Variants in BMI1 observed in about 807,000 individuals in gnomAD.
BMI1 encodes the protein polycomb complex protein BMI-1.
BMI1 carries 9 observed loss-of-function variants against 39.1 expected under a neutral mutation model. That is an observed-to-expected ratio of 0.23 (90% CI 0.14 to 0.40). The LOEUF (loss-of-function observed/expected upper bound fraction) is 0.40. BMI1 is among the 10% of genes least tolerant of loss of function. The pLI is 1.00. For missense variants in BMI1, 252 were observed against 390.8 expected, an observed-to-expected ratio of 0.64 and a Z score of 2.99; for synonymous variants, 131 against 127.9, an observed-to-expected ratio of 1.02 and a Z score of -0.16.
intron 1 of BMI1, among the ~76,000 whole-genome samples, chr10:22,324,408 C>G (rs555719836): frequency 6.6e-6 from 1 of 152,354 alleles, no homozygotes; most frequent in African/African-American, 2.4e-5. Context: ...GGTCATTGCT[C>G]TACCTACAAC....
chr10:22,327,897 A>G, intron 5 of BMI1, 53 bp from the exon 6 acceptor site: 1 of 1,581,510 alleles, frequency 6.3e-7, no homozygotes, highest in Non-Finnish European at 8.6e-7. Flanking sequence ...CTTATATATA[A>G]AATTTATTAG....
chr10:22,328,511 T>C (rs1162424808), intron 7 of BMI1, 89 bp from the exon 8 acceptor site: 13 of 1,385,928 alleles, frequency 9.4e-6, no homozygotes, highest in Non-Finnish European at 1.2e-5. Context: ...TGTTTGATAC[T>C]AGTATCTTTT....
chr10:22,327,582 A>C lies in BMI1; in HGVS notation c.210-13A>C. The C allele has an allele frequency of 3.8e-6, 6 of 1,584,874 alleles. No individual in the cohort carries two copies. Among genetic ancestry groups the C allele is most frequent in the Non-Finnish European group, 4.3e-6 (5 of 1,168,388 alleles). ...ATCTGAATTCATAGTTTTCTATTTT[A>C]ATTATTTTTCAGGTCAGATAAAACT... is the stretch of plus-strand genomic sequence containing the variant. On this transcript the variant is annotated splice_polypyrimidine_tract_variant and intron_variant, in intron 3 of 9. Coordinates refer to ENST00000376663, the MANE Select transcript of BMI1 (RefSeq NM_005180.9).
Position 22,321,338 on chromosome 10 carries a change from C to A in BMI1, c.-378C>A. The stretch of plus-strand genomic sequence containing the variant: ...CCCGCAGAATAAAACCGATCGCGCC[C>A]CCTCCGCGCGCGCCCTCCCCCGAGT... On this transcript the variant is annotated 5_prime_UTR_variant, in exon 1 of 10. Transcript: ENST00000376663. The A allele has an allele frequency of 6.5e-6, 1 of 155,018 alleles. No individual in the cohort carries two copies. The highest frequency in any genetic ancestry group is 1.8e-4 in the South Asian group (1 of 5,610). The allele number at this position is 155,018 out of a possible 1,614,324, so 9.6% of individuals were successfully genotyped here.
At position 22,331,152 on chromosome 10, in the gene BMI1, C is replaced by T. The variant is rs1405231023; in HGVS notation, c.*1610C>T. Reference sequence around the variant, plus strand: ...AAGATACATATATTTTTATTTTGACCTAAATTTGTACAGTCCCATTGTAAG... The same window carrying T: ...AAGATACATATATTTTTATTTTGACTTAAATTTGTACAGTCCCATTGTAAG... On this transcript the variant is annotated 3_prime_UTR_variant, in exon 10 of 10. Transcript: ENST00000376663. 6.6e-6 allele frequency: 1 copy of T among 152,410 alleles called. No homozygotes were observed. Among genetic ancestry groups the T allele is most frequent in the East Asian group, 1.9e-4 (1 of 5,200 alleles). 9.4% of individuals were successfully genotyped at this position (152,410 alleles called of 1,614,324 possible). A position where few individuals can be genotyped will look rare whatever the true frequency, so the allele number is the denominator to read the frequency against.
In BMI1 at chr10:22,327,920, TA is replaced by T. The variant is rs1319744469; in HGVS notation, c.317-25del. 73 of 1,582,846 alleles carry T rather than the reference TA, an allele frequency of 4.6e-5. No homozygotes were observed. In the East Asian group the frequency reaches 1.6e-3, roughly 35 times the overall value. On this transcript the variant is annotated intron_variant, in intron 5 of 9. Transcript: ENST00000376663. Reference sequence around the variant, plus strand: ...TAAAATTTATTAGGCATCTGATTTTTAAAAATTACATTTCACTATATCGTTA... The same window carrying T: ...TAAAATTTATTAGGCATCTGATTTTTAAAATTACATTTCACTATATCGTTA...
chr10:22,326,543 A>G lies in BMI1; in HGVS notation c.94A>G (p.Ile32Val), dbSNP rs1361296039. Residue 32 changes from isoleucine (I) to valine (V), a missense_variant, in exon 2 of 10, where the codon ATA becomes GTA. Around this residue, in one of 4 missense-constraint regions of BMI1, gnomAD observed 62 missense variants for 123.3 expected, o/e 0.50. Transcript: ENST00000376663. ...GTACTTCATTGATGCCACAACCATAATAGAATGTCTACATTCCTGTAAGTA... is the reference window on the plus strand; with the variant it reads ...GTACTTCATTGATGCCACAACCATAGTAGAATGTCTACATTCCTGTAAGTA... ...GGYFIDATTI[I>V]ECLHSFCKTC... 6.2e-7 allele frequency: 1 copy of G among 1,612,770 alleles called. No homozygotes were observed. The highest frequency in any genetic ancestry group is 1.3e-5 in the African/African-American group (1 of 74,956).
chr10:22,326,681 A>G, intron 2 of BMI1, 120 bp downstream of exon 2: 2 of 1,471,984 alleles, frequency 1.4e-6, no homozygotes, highest in South Asian at 2.7e-5. Context: ...TGGTGAAGGC[A>G]TTTTCTTCTC....
At position 22,329,281 on chromosome 10, in the gene BMI1, A is replaced by G; in HGVS notation, c.720A>G (p.Arg240=). 1 of 1,614,216 alleles carries G rather than the reference A, an allele frequency of 6.2e-7. No individual in the cohort carries two copies. Among genetic ancestry groups the G allele is most frequent in the East Asian group, 2.2e-5 (1 of 44,888 alleles). ...TCKRMKISHQ[R]DGLTNAGELE... Reference sequence around the variant, plus strand: ...AAAGAATGAAGATCAGTCACCAGAGAGATGGACTGACAAATGCTGGAGAAC... The same window carrying G: ...AAAGAATGAAGATCAGTCACCAGAGGGATGGACTGACAAATGCTGGAGAAC... The change falls in exon 10 of 10, where the codon AGA becomes AGG. Residue 240 remains arginine (R), a synonymous_variant. Transcript: ENST00000376663.
intron 2 of BMI1, 34 bp from the exon 3 acceptor site, chr10:22,326,856 A>C (rs757834259): frequency 6.2e-7 from 1 of 1,608,452 alleles, no homozygotes; most frequent in Admixed American, 1.7e-5. Context: ...ACTCATTTCT[A>C]AACATAAAAA....
chr10:22,325,559 C>T (rs1299267503), intron 1 of BMI1: 1 of 147,208 alleles, frequency 6.8e-6, no homozygotes, highest in East Asian at 2.0e-4. Context: ...GCTGCCCCGC[C>T]CCCCCGGCGT....
chr10:22,321,874 C>G (rs1836009377), intron 1 of BMI1, among the ~76,000 whole-genome samples, 178 bp downstream of exon 1: 2 of 143,038 alleles, frequency 1.4e-5, no homozygotes, highest in South Asian at 4.2e-4. Flanking sequence ...CCGCGCCTGC[C>G]GGCCCCGCGC....
chr10:22,323,017 T>C (rs1588617965), intron 1 of BMI1, among the ~76,000 whole-genome samples: 1 of 152,210 alleles, frequency 6.6e-6, no homozygotes, highest in East Asian at 1.9e-4. Context: ...GTGGGCAAAA[T>C]TCCGAGCATA....
chr10:22,328,658 A>G lies in BMI1; in HGVS notation c.530A>G (p.Lys177Arg). Residue 177 changes from lysine to arginine, a missense_variant, in exon 8 of 10, where the codon AAG (lysine) becomes AGG (arginine). This residue lies in a region of BMI1 where 27 missense variants were observed against 77.4 expected (regional missense o/e 0.35). Coordinates refer to ENST00000376663, the MANE Select transcript of BMI1 (RefSeq NM_005180.9). ...GCAATGACTGTGATGCACTTAAGAA[A>G]GTTTCTCAGAAGTAAAATGGACATA... ...PAAMTVMHLR[K>R]FLRSKMDIPN... The G allele has an allele frequency of 6.2e-7, 1 of 1,606,644 alleles. No homozygotes were observed. Among genetic ancestry groups the G allele is most frequent in the Non-Finnish European group, 8.5e-7 (1 of 1,176,664 alleles).
chr10:22,321,484 G>C lies in BMI1; in HGVS notation c.-232G>C, dbSNP rs1835996190. 6.3e-6 allele frequency: 1 copy of C among 158,558 alleles called. No homozygotes were observed. The highest frequency in any genetic ancestry group is 1.4e-5 in the Non-Finnish European group (1 of 72,446). The allele number at this position is 158,558 out of a possible 1,614,324, so 9.8% of individuals were successfully genotyped here. A position where few individuals can be genotyped will look rare whatever the true frequency, so the allele number is the denominator to read the frequency against. ...GGCCGAGGCGCCGGAGGAGGCCGAG[G>C]CGCCGGAGCAGGAGGAGGCCGGCCG... On this transcript the variant is annotated 5_prime_UTR_variant, in exon 1 of 10. Coordinates refer to ENST00000376663, the MANE Select transcript of BMI1 (RefSeq NM_005180.9).
chr10:22,328,056 C>A lies in BMI1; in HGVS notation c.423C>A (p.Asn141Lys). 6.3e-7 allele frequency: 1 copy of A among 1,598,588 alleles called. No individual in the cohort carries two copies. The highest frequency in any genetic ancestry group is 8.5e-7 in the Non-Finnish European group (1 of 1,175,790). ...TATCCATTGAATTCTTTGACCAGAA[C>A]AGGTAAAATCTTTAGGCAATTTATT... ...ISLSIEFFDQ[N>K]RLDRKVNKDK... is the part of the protein sequence containing the mutation. The change falls in exon 6 of 10, where the codon AAC becomes AAA. Residue 141 changes from asparagine to lysine, a missense_variant and splice_region_variant. Asn to Lys is a moderately conservative substitution (Grantham distance 94). This residue lies in a region of BMI1 where 67 missense variants were observed against 69.9 expected (regional missense o/e 0.96). Coordinates refer to ENST00000376663, the MANE Select transcript of BMI1 (RefSeq NM_005180.9).
rs1342193291 is a variant in BMI1 at position 22,326,564 on chromosome 10, A to G, written c.112+3A>G. 1.9e-6 allele frequency: 3 copies of G among 1,613,388 alleles called. No homozygotes were observed. Among genetic ancestry groups the G allele is most frequent in the Non-Finnish European group, 2.5e-6 (3 of 1,179,838 alleles). ...CATAATAGAATGTCTACATTCCTGT[A>G]AGTACCGAGCTTTAGCTCTCTTTTG... On this transcript the variant is annotated splice_donor_region_variant and intron_variant, in intron 2 of 9. Transcript: ENST00000376663.
In BMI1 at chr10:22,329,306, C is replaced by T; in HGVS notation, c.745C>T (p.Leu249=). The T allele has an allele frequency of 6.2e-7, 1 of 1,614,164 alleles. No individual in the cohort carries two copies. Among genetic ancestry groups the T allele is most frequent in the Middle Eastern group, 1.6e-4 (1 of 6,062 alleles). The change falls in exon 10 of 10, where the codon CTG becomes TTG. Residue 249 remains leucine (L), a synonymous_variant. Transcript: ENST00000376663. The stretch of plus-strand genomic sequence containing the variant: ...AGATGGACTGACAAATGCTGGAGAA[C>T]TGGAAAGTGACTCTGGGAGTGACAA... The part of the protein sequence containing the change: ...QRDGLTNAGE[L]ESDSGSDKAN...
At position 22,321,161 on chromosome 10, in the gene BMI1, C is replaced by T. The variant is rs1210856178; in HGVS notation, c.-555C>T. On this transcript the variant is annotated 5_prime_UTR_variant, in exon 1 of 10. Coordinates refer to ENST00000376663, the MANE Select transcript of BMI1 (RefSeq NM_005180.9). ...CCCTCCCCTCCCCCTCCTCCCCTCC[C>T]CCCGCTCGCACGCACACACACGGCG... The T allele has an allele frequency of 2.0e-5, 3 of 150,666 alleles. No homozygotes were observed. Among genetic ancestry groups the T allele is most frequent in the Non-Finnish European group, 4.5e-5 (3 of 67,360 alleles). The allele number at this position is 150,666 out of a possible 1,614,324, so 9.3% of individuals were successfully genotyped here.
Sources: gnomAD v4.1 joint callset for allele counts (sites outside exome capture counted in the v4.1 genomes callset) on GRCh38, gnomAD v4.1.1 for gene constraint, gnomAD v4.1.1 regional missense constraint, MANE v1.5 for transcripts, NCBI Gene and HGNC (gene_info 2026-07-23, HGNC 2026-07-21) for gene names.